ZNF267: variants seen among roughly 807,000 people sequenced by gnomAD.
ZNF267 encodes zinc finger (C2H2).
A neutral mutation model predicts 71.6 loss-of-function variants in ZNF267; 61 were observed. The ratio of observed to expected loss-of-function variants is 0.85; its 90% CI spans 0.69 to 1.05. The LOEUF is 1.05. Among genes scored for constraint, ZNF267 ranks in the 50% least tolerant of loss-of-function variants. The probability of loss-of-function intolerance (pLI) is 0.00; values close to 1 mark genes in which losing one functional copy is unlikely to be tolerated. For missense variants in ZNF267, 852 were observed against 870.0 expected (o/e 0.98, Z 0.26); for synonymous variants, 288 against 293.2 (o/e 0.98, Z 0.18).
chr16:31,915,448 G>T lies in ZNF267; in HGVS notation c.1199G>T (p.Arg400Ile), dbSNP rs372256746. 4 of 1,613,778 alleles carry T rather than the reference G, an allele frequency of 2.5e-6. 1 individual carries two copies. The South Asian group carries it at 3.3e-5, about 13-fold the overall frequency. ...TRSSNLIVHQ[R>I]IHTGEKPYKC... Reference sequence around the variant, plus strand: ...TCCTCCAATCTTATTGTGCATCAGAGAATTCACACTGGAGAGAAACCATAC... The same window carrying T: ...TCCTCCAATCTTATTGTGCATCAGATAATTCACACTGGAGAGAAACCATAC... The change falls in exon 4 of 4, where the codon AGA becomes ATA. Residue 400 changes from arginine (R) to isoleucine (I), a missense_variant. Physicochemically the swap from Arg to Ile is moderately conservative, Grantham distance 97. Transcript: ENST00000300870.
At chr16:31,887,034 T>C (rs1046791172) in intron 3 of ZNF267, among the ~76,000 whole-genome samples, 4 of 152,226 alleles carry the variant, frequency 2.6e-5, no homozygotes, top group African/African-American at 4.8e-5. Context: ...ATTTCTTGAC[T>C]CTGACAGCAG....
At position 31,901,302 on chromosome 16, in the gene ZNF267, T is replaced by G. The variant is rs957770865; in HGVS notation, c.227-13174T>G. Among the ~76,000 whole-genome samples the G allele has an allele frequency of 2.0e-5, 3 of 152,168 alleles. No homozygotes were observed. The East Asian group carries it at 5.8e-4, about 29-fold the overall frequency. On this transcript the variant is annotated intron_variant, in intron 3 of 3. Transcript: ENST00000300870. ...TTAGAGCAGCATGATTTATAATCCT[T>G]TGGGTATATACCCAGTAATGGGATG...
chr16:31,884,407 T>C (rs2083909517), intron 1 of ZNF267, 91 bp from the exon 2 acceptor site: 1 of 1,546,360 alleles, frequency 6.5e-7, no homozygotes. Context: ...CACTCATATA[T>C]GTCAGAACCA....
intron 3 of ZNF267, among the ~76,000 whole-genome samples, chr16:31,895,689 C>T (rs2083993324): frequency 6.6e-6 from 1 of 152,092 alleles, no homozygotes; most frequent in South Asian, 2.1e-4. Context: ...TGAGGGGGTC[C>T]CACTGGGTTT....
chr16:31,887,081 T>G (rs1219741156), intron 3 of ZNF267, among the ~76,000 whole-genome samples: 1 of 152,220 alleles, frequency 6.6e-6, no homozygotes, highest in Non-Finnish European at 1.5e-5. Context: ...TTATTGACTC[T>G]TTGACAGCAG....
At position 31,883,318 on chromosome 16, in the gene ZNF267, G is replaced by A. The variant is rs138303163; in HGVS notation, c.4-1180G>A. ...ACAAAAAAGGCATCACCCACAAAGAGTTTTATAGTTTTTATACAATTTAAA... is the reference window on the plus strand; with the variant it reads ...ACAAAAAAGGCATCACCCACAAAGAATTTTATAGTTTTTATACAATTTAAA... On this transcript the variant is annotated intron_variant, in intron 1 of 3. Coordinates refer to ENST00000300870, the MANE Select transcript of ZNF267 (RefSeq NM_003414.6). Among the ~76,000 whole-genome samples the A allele has an allele frequency of 3.2e-4, 49 of 152,074 alleles. 1 individual carries two copies. In the East Asian group the frequency reaches 8.9e-3, roughly 28 times the overall value.
chr16:31,884,669 A>G (rs755157974), intron 2 of ZNF267, 45 bp downstream of exon 2: 2 of 1,570,508 alleles, frequency 1.3e-6, no homozygotes, highest in Admixed American at 3.8e-5. Flanking sequence ...TAAGAGTTTT[A>G]TTTTCTTTTC....
intron 1 of ZNF267, among the ~76,000 whole-genome samples, chr16:31,882,387 C>T (rs907790588): frequency 6.6e-6 from 1 of 152,074 alleles, no homozygotes; most frequent in Non-Finnish European, 1.5e-5. Context: ...GAGTATTGGG[C>T]GTAAGGGACT....
chr16:31,916,591 T>G lies in ZNF267; in HGVS notation c.*110T>G, dbSNP rs956486155. 3 of 1,101,012 alleles carry G rather than the reference T, an allele frequency of 2.7e-6. No individual in the cohort carries two copies. The highest frequency in any genetic ancestry group is 3.8e-6 in the Non-Finnish European group (3 of 787,152). 68.2% of individuals were successfully genotyped at this position (1,101,012 alleles called of 1,614,324 possible). A position where few individuals can be genotyped will look rare whatever the true frequency, so the allele number is the denominator to read the frequency against. On this transcript the variant is annotated 3_prime_UTR_variant, in exon 4 of 4. Transcript: ENST00000300870. ...AAATGTTAAGAATGTGGCATAACCT[T>G]TAACTATTTTCAAGCCTTACACAAT... is the stretch of plus-strand genomic sequence containing the variant.
chr16:31,908,672 A>AT (rs2084110863), intron 3 of ZNF267, among the ~76,000 whole-genome samples: 1 of 152,070 alleles, frequency 6.6e-6, no homozygotes, highest in Non-Finnish European at 1.5e-5. Flanking sequence ...TTGAAAAAAA[A>AT]CTGTCCTTTC....
chr16:31,895,317 A>G (rs777513439), intron 3 of ZNF267, among the ~76,000 whole-genome samples: 1 of 152,224 alleles, frequency 6.6e-6, no homozygotes, highest in African/African-American at 2.4e-5. Context: ...TTAATGGCCG[A>G]AAAGTATTTA....
At chr16:31,896,827 T>A (rs1327543898) in intron 3 of ZNF267, among the ~76,000 whole-genome samples, 1 of 152,198 alleles carries the variant, frequency 6.6e-6, no homozygotes, top group Non-Finnish European at 1.5e-5. Context: ...GGTGACTTTT[T>A]GATCAGAGTT....
intron 3 of ZNF267, among the ~76,000 whole-genome samples, chr16:31,887,429 C>G (rs1289088633): frequency 6.6e-6 from 1 of 150,994 alleles, no homozygotes; most frequent in Admixed American, 6.6e-5. Context: ...CTTTTTGTTG[C>G]TTGTGATTTT....
chr16:31,916,512 TG>T lies in ZNF267; in HGVS notation c.*32del. 1 of 1,576,070 alleles carries T rather than the reference TG, an allele frequency of 6.3e-7. No homozygotes were observed. The highest frequency in any genetic ancestry group is 8.6e-7 in the Non-Finnish European group (1 of 1,159,736). ...TAAAACATGGAGCAGATTTTTTACT[TG>T]TTACCCATGTCTTATTGTGCATCAG... On this transcript the variant is annotated 3_prime_UTR_variant, in exon 4 of 4. Transcript: ENST00000300870.
chr16:31,875,884 A>G (rs1183177625), intron 1 of ZNF267, among the ~76,000 whole-genome samples: 1 of 152,250 alleles, frequency 6.6e-6, no homozygotes, highest in Admixed American at 6.5e-5. Flanking sequence ...GAAAATTAAA[A>G]TATCAAGTCA....
At chr16:31,894,542 C>T in intron 3 of ZNF267, 2 of 512,136 alleles carry the variant, frequency 3.9e-6, no homozygotes, top group Non-Finnish European at 7.9e-6. Context: ...CTACATCTTT[C>T]AAGTGCTGCT....
In ZNF267 at chr16:31,915,588, C is replaced by T. The variant is rs575364062; in HGVS notation, c.1339C>T (p.Arg447Cys). The change falls in exon 4 of 4, where the codon CGT (arginine) becomes TGT (cysteine). Residue 447 changes from arginine to cysteine, a missense_variant. Transcript: ENST00000300870. ...KCKECGKAFN[R>C]SSCLTQHQTT... Reference sequence around the variant, plus strand: ...TAAAGAATGTGGAAAAGCTTTTAACCGTAGTTCATGCCTTACTCAACATCA... The same window carrying T: ...TAAAGAATGTGGAAAAGCTTTTAACTGTAGTTCATGCCTTACTCAACATCA... 1.7e-5 allele frequency: 27 copies of T among 1,612,944 alleles called. No homozygotes were observed. The highest frequency in any genetic ancestry group is 1.3e-4 in the East Asian group (6 of 44,764).
Position 31,874,900 on chromosome 16 carries a change from G to T in ZNF267, c.3+931G>T, listed in dbSNP as rs1383811505. ...CTCCAGTTCACATTCTTAACTATTGGTCATTTATTGTACATTTCAGACAGT... is the reference window on the plus strand; with the variant it reads ...CTCCAGTTCACATTCTTAACTATTGTTCATTTATTGTACATTTCAGACAGT... On this transcript the variant is annotated intron_variant, in intron 1 of 3. Transcript: ENST00000300870. 4.6e-5 allele frequency among the ~76,000 whole-genome samples: 7 copies of T among 152,082 alleles called. No homozygotes were observed. The South Asian group carries it at 6.2e-4, about 13-fold the overall frequency.
intron 1 of ZNF267, among the ~76,000 whole-genome samples, chr16:31,883,610 G>A (rs1365367139): frequency 2.0e-5 from 3 of 151,962 alleles, no homozygotes; most frequent in Non-Finnish European, 4.4e-5. Flanking sequence ...GCAAATATTT[G>A]GAAAATAATT....
Sources: allele counts gnomAD v4.1 joint callset (sites outside exome capture counted in the v4.1 genomes callset), GRCh38; gene constraint gnomAD v4.1.1; transcripts MANE v1.5; gene names NCBI Gene and HGNC (gene_info 2026-07-23, HGNC 2026-07-21).